ALK: variants seen among roughly 807,000 people sequenced by gnomAD.
ALK encodes the protein ALK tyrosine kinase receptor.
Under a neutral mutation model 163.1 loss-of-function variants are expected in ALK, and 74 were observed. The ratio of observed to expected loss-of-function variants is 0.45; its 90% CI spans 0.38 to 0.55. The LOEUF (loss-of-function observed/expected upper bound fraction) is 0.55, where lower values mean the gene tolerates loss of function less well. ALK is among the 20% of genes least tolerant of loss of function. The pLI, the probability that ALK is intolerant of heterozygous loss-of-function variation, is 0.00. For synonymous variants in ALK, 960 were observed against 843.2 expected, an observed-to-expected ratio of 1.14 and a Z score of -2.40; for missense variants, 2,063 against 2,105.3, an observed-to-expected ratio of 0.98 and a Z score of 0.39.
intron 5 of ALK, among the ~76,000 whole-genome samples, chr2:29,376,895 T>C (rs1490751487): frequency 1.3e-5 from 2 of 152,190 alleles, no homozygotes; most frequent in African/African-American, 2.4e-5. Context: ...ACATCTTCCA[T>C]TGCCCAACAT....
intron 5 of ALK, among the ~76,000 whole-genome samples, chr2:29,360,206 C>G (rs181910516): frequency 6.6e-6 from 1 of 152,334 alleles, no homozygotes; most frequent in East Asian, 1.9e-4. Context: ...AGATTGCAAG[C>G]CATGATTCAT....
intron 5 of ALK, among the ~76,000 whole-genome samples, chr2:29,359,983 C>T (rs1180623602): frequency 6.6e-6 from 1 of 152,342 alleles, no homozygotes; most frequent in African/African-American, 2.4e-5. Flanking sequence ...GAAAGCTGTT[C>T]CTCTCTCCAG....
intron 1 of ALK, among the ~76,000 whole-genome samples, chr2:29,868,237 A>G (rs1198256017): frequency 6.6e-6 from 1 of 152,228 alleles, no homozygotes; most frequent in Non-Finnish European, 1.5e-5. Flanking sequence ...GGCCAAGAGA[A>G]GGAGTGGAAT....
rs534594604 is a variant in ALK, at chr2:29,825,606, A to G, written c.667+94387T>C. The stretch of plus-strand genomic sequence containing the variant: ...GCAGATCTGGAGGGCTTCAAACTCC[A>G]GATTAAGGATGATGACTTCTAAAGG... On this transcript the variant is annotated intron_variant, in intron 1 of 28. Transcript: ENST00000389048. Among the ~76,000 whole-genome samples, 97 of 152,350 alleles carry G rather than the reference A, an allele frequency of 6.4e-4. 1 individual carries two copies. Among genetic ancestry groups the G allele is most frequent in the African/African-American group, 2.2e-3 (91 of 41,588 alleles).
At chr2:29,734,312 G>T (rs6748787) in intron 1 of ALK, among the ~76,000 whole-genome samples, 9,751 of 152,138 alleles carry the variant, frequency 0.064, 820 homozygotes, top group African/African-American at 0.2. Context: ...ATTTCATGTT[G>T]CCCTAAAGAG....
At chr2:29,734,956 T>A (rs970950940) in intron 1 of ALK, among the ~76,000 whole-genome samples, 9 of 152,316 alleles carry the variant, frequency 5.9e-5, no homozygotes, top group East Asian at 1.9e-4. Context: ...TTAATTTTTT[T>A]AATAATAATG....
At chr2:29,642,189 G>A (rs989136473) in intron 3 of ALK, among the ~76,000 whole-genome samples, 14 of 152,124 alleles carry the variant, frequency 9.2e-5, no homozygotes, top group Admixed American at 9.2e-4. Context: ...AAGAGTCCTG[G>A]AAGATTTGGA....
intron 8 of ALK, among the ~76,000 whole-genome samples, chr2:29,302,732 A>AT (rs926270292): frequency 3.3e-4 from 50 of 151,954 alleles, no homozygotes; most frequent in African/African-American, 1.1e-3. Flanking sequence ...TTTTTTGGCC[A>AT]TTTTTTTTCA....
chr2:29,487,985 AT>A (rs1001422947), intron 4 of ALK, among the ~76,000 whole-genome samples: 8 of 149,094 alleles, frequency 5.4e-5, no homozygotes, highest in South Asian at 2.1e-4. Context: ...TTGGGTTGTT[AT>A]TTTTTTTTTC....
Position 29,695,073 on chromosome 2 carries a change from C to T in ALK, c.788-59G>A. 25 of 1,600,128 alleles carry T rather than the reference C, an allele frequency of 1.6e-5. No homozygotes were observed. The South Asian group carries it at 2.2e-4, about 14-fold the overall frequency. On this transcript the variant is annotated intron_variant, in intron 2 of 28. Coordinates refer to ENST00000389048, the MANE Select transcript of ALK (RefSeq NM_004304.5). ...CATTTCCCAAACGTGACTTTTCAGC[C>T]CCCTCCACTCCACACTAGGAGGTTG...
chr2:29,618,384 A>G (rs1297985640), intron 3 of ALK, among the ~76,000 whole-genome samples: 3 of 151,748 alleles, frequency 2.0e-5, no homozygotes, highest in Non-Finnish European at 4.4e-5. Flanking sequence ...ACTCGGTGCT[A>G]CCTTCAAGTT....
intron 3 of ALK, among the ~76,000 whole-genome samples, chr2:29,558,554 C>A (rs1046812937): frequency 6.6e-6 from 1 of 152,044 alleles, no homozygotes; most frequent in Non-Finnish European, 1.5e-5. Flanking sequence ...CCCTCCCTAC[C>A]CTCTCTGCCC....
At chr2:29,400,450 A>C (rs1434211427) in intron 4 of ALK, among the ~76,000 whole-genome samples, 2 of 152,090 alleles carry the variant, frequency 1.3e-5, no homozygotes, top group Non-Finnish European at 2.9e-5. Context: ...TCCAGTGCAG[A>C]CATCCCTTAT....
At chr2:29,270,307 C>G (rs927729626) in intron 11 of ALK, among the ~76,000 whole-genome samples, 3 of 152,214 alleles carry the variant, frequency 2.0e-5, no homozygotes, top group Non-Finnish European at 4.4e-5. Flanking sequence ...TAACTTAGTG[C>G]AAGTTAGTTC....
intron 4 of ALK, among the ~76,000 whole-genome samples, chr2:29,473,602 G>T (rs943990665): frequency 1.3e-5 from 2 of 151,962 alleles, no homozygotes; most frequent in Admixed American, 1.3e-4. Context: ...CTTCACAAAA[G>T]AAATATTCAA....
chr2:29,669,601 G>GATACA (rs1677620864), intron 3 of ALK, among the ~76,000 whole-genome samples: 1 of 151,964 alleles, frequency 6.6e-6, no homozygotes, highest in Admixed American at 6.6e-5. Flanking sequence ...TACATTTAGT[G>GATACA]TTATTATTGA....
chr2:29,743,494 G>T (rs1427730041), intron 1 of ALK, among the ~76,000 whole-genome samples: 1 of 152,198 alleles, frequency 6.6e-6, no homozygotes, highest in Non-Finnish European at 1.5e-5. Flanking sequence ...ACAAAGGAAG[G>T]AGATGAGAAC....
intron 2 of ALK, among the ~76,000 whole-genome samples, chr2:29,702,696 A>C (rs930376912): frequency 7.9e-5 from 12 of 152,264 alleles, no homozygotes; most frequent in Non-Finnish European, 1.2e-4. Flanking sequence ...GGGAAGCCTC[A>C]CAATCATGGC....
chr2:29,881,451 AAGAT>A (rs1430665673), intron 1 of ALK, among the ~76,000 whole-genome samples: 2 of 152,212 alleles, frequency 1.3e-5, no homozygotes, highest in Non-Finnish European at 2.9e-5. Context: ...GGATGCAAGA[AAGAT>A]AGATGGGGCT....
Sources: allele counts gnomAD v4.1 joint callset (sites outside exome capture counted in the v4.1 genomes callset), GRCh38; gene constraint gnomAD v4.1.1; transcripts MANE v1.5; gene names NCBI Gene and HGNC (gene_info 2026-07-23, HGNC 2026-07-21).